Variants in KCNQ3 observed in about 807,000 individuals in gnomAD.
The protein encoded by KCNQ3 is potassium voltage-gated channel subfamily KQT member 3.
A neutral mutation model predicts 92.5 loss-of-function variants in KCNQ3; 30 were observed. The observed-to-expected ratio is 0.32, with a 90% CI of 0.24 to 0.44. KCNQ3 has a LOEUF of 0.44. Among genes scored for constraint, KCNQ3 ranks in the 20% least tolerant of loss-of-function variants. The probability of loss-of-function intolerance (pLI) is 1.00; values close to 1 mark genes in which losing one functional copy is unlikely to be tolerated. For missense variants in KCNQ3, 913 were observed against 1,140.3 expected, an observed-to-expected ratio of 0.80 and a Z score of 2.87; for synonymous variants, 450 against 468.8, an observed-to-expected ratio of 0.96 and a Z score of 0.52.
chr8:132,291,577 T>C (rs1816836176), intron 1 of KCNQ3, among the ~76,000 whole-genome samples: 1 of 152,234 alleles, frequency 6.6e-6, no homozygotes, highest in Non-Finnish European at 1.5e-5. Context: ...CAGACAATAA[T>C]ATTCCCAATG....
chr8:132,250,459 T>C (rs200078015), intron 1 of KCNQ3, among the ~76,000 whole-genome samples: 1 of 152,154 alleles, frequency 6.6e-6, no homozygotes, highest in East Asian at 1.9e-4. Context: ...TAGGAAATAG[T>C]GTGTCGTTAT....
At chr8:132,382,488 T>C (rs974321956) in intron 1 of KCNQ3, among the ~76,000 whole-genome samples, 1 of 152,228 alleles carries the variant, frequency 6.6e-6, no homozygotes, top group East Asian at 1.9e-4. Context: ...GCCACACTTG[T>C]ACAGCCTGCA....
chr8:132,452,976 T>C (rs1036104893), intron 1 of KCNQ3, among the ~76,000 whole-genome samples: 1 of 151,834 alleles, frequency 6.6e-6, no homozygotes, highest in Non-Finnish European at 1.5e-5. Context: ...TTACAGCTCA[T>C]GACAGGGTGC....
intron 2 of KCNQ3, among the ~76,000 whole-genome samples, chr8:132,184,851 T>G (rs1826913115): frequency 6.6e-6 from 1 of 152,186 alleles, no homozygotes; most frequent in Admixed American, 6.5e-5. Context: ...ATAATATTAT[T>G]CTCATCTTAC....
At chr8:132,347,955 C>A (rs150923919) in intron 1 of KCNQ3, among the ~76,000 whole-genome samples, 1 of 124,068 alleles carries the variant, frequency 8.1e-6, no homozygotes, top group Non-Finnish European at 1.6e-5. Flanking sequence ...TCAGCCTGGG[C>A]GACAGAGCGA....
chr8:132,216,439 G>A (rs911908546), intron 1 of KCNQ3, among the ~76,000 whole-genome samples: 1 of 152,174 alleles, frequency 6.6e-6, no homozygotes, highest in Non-Finnish European at 1.5e-5. Flanking sequence ...TCACAGTCAG[G>A]GGACAGCAGG....
At chr8:132,308,642 G>T (rs1355251051) in intron 1 of KCNQ3, among the ~76,000 whole-genome samples, 2 of 152,136 alleles carry the variant, frequency 1.3e-5, no homozygotes, top group Non-Finnish European at 2.9e-5. Context: ...TACCATCAAG[G>T]GGAGCCATAA....
Position 132,137,967 on chromosome 8 carries a change from G to A in KCNQ3, c.1618C>T (p.Pro540Ser). 1 of 1,613,486 alleles carries A rather than the reference G, an allele frequency of 6.2e-7. No individual in the cohort carries two copies. The highest frequency in any genetic ancestry group is 8.5e-7 in the Non-Finnish European group (1 of 1,179,872). Reference sequence around the variant, plus strand: ...TCAATCACATCCTTCACATCGTAAGGCCTCAAAGTCTCCTTGAATTTTTTT... The same window carrying A: ...TCAATCACATCCTTCACATCGTAAGACCTCAAAGTCTCCTTGAATTTTTTT... ...YKKKFKETLRPYDVKDVIEQY... is the reference protein window; with the variant it reads ...YKKKFKETLRSYDVKDVIEQY... Residue 540 changes from proline to serine, a missense_variant, in exon 12 of 15, where the codon CCT (proline) becomes TCT (serine). Coordinates refer to ENST00000388996, the MANE Select transcript of KCNQ3 (RefSeq NM_004519.4).
intron 1 of KCNQ3, among the ~76,000 whole-genome samples, chr8:132,334,925 C>T (rs1262530574): frequency 6.6e-6 from 1 of 152,150 alleles, no homozygotes; most frequent in Admixed American, 6.5e-5. Context: ...TTATTTTATT[C>T]CCCCTCTTTC....
At chr8:132,385,259 G>A (rs557962289) in intron 1 of KCNQ3, among the ~76,000 whole-genome samples, 2 of 152,384 alleles carry the variant, frequency 1.3e-5, no homozygotes, top group Admixed American at 6.5e-5. Context: ...TCTTCCCTCA[G>A]CTCAGTGCTG....
chr8:132,356,752 A>T (rs1334861279), intron 1 of KCNQ3, among the ~76,000 whole-genome samples: 6 of 152,198 alleles, frequency 3.9e-5, no homozygotes, highest in Non-Finnish European at 8.8e-5. Flanking sequence ...CACTTAGTGG[A>T]TGCTAAATAA....
chr8:132,140,804 C>G (rs995309811), intron 10 of KCNQ3: 4 of 374,212 alleles, frequency 1.1e-5, no homozygotes, highest in Non-Finnish European at 2.0e-5. Flanking sequence ...TTGCACCTGG[C>G]ACCGCCCCAT....
At chr8:132,256,249 G>C (rs1815583164) in intron 1 of KCNQ3, among the ~76,000 whole-genome samples, 1 of 152,060 alleles carries the variant, frequency 6.6e-6, no homozygotes, top group Non-Finnish European at 1.5e-5. Flanking sequence ...TTATGCTTGA[G>C]CTGGAAGAAT....
chr8:132,349,077 C>A (rs904836748), intron 1 of KCNQ3, among the ~76,000 whole-genome samples: 1 of 152,144 alleles, frequency 6.6e-6, no homozygotes, highest in Non-Finnish European at 1.5e-5. Context: ...AGAGGCTGAG[C>A]TAGATGGTCC....
intron 1 of KCNQ3, among the ~76,000 whole-genome samples, chr8:132,423,152 C>T (rs1200785793): frequency 1.3e-5 from 2 of 152,300 alleles, no homozygotes; most frequent in African/African-American, 4.8e-5. Flanking sequence ...CACCCCTCTG[C>T]CACCTGTTGA....
intron 1 of KCNQ3, among the ~76,000 whole-genome samples, chr8:132,236,134 G>A (rs1814807524): frequency 6.6e-6 from 1 of 152,230 alleles, no homozygotes; most frequent in African/African-American, 2.4e-5. Flanking sequence ...ACTAGAAAGA[G>A]TGGAGAGCTA....
At position 132,372,859 on chromosome 8, in the gene KCNQ3, G is replaced by A. The variant is rs2721918; in HGVS notation, c.386+107288C>T. ...TCTCCTTAGCATCAGCTCATGGGCC[G>A]GTTGTGAATATTAGAGGCAGAAAGG... On this transcript the variant is annotated intron_variant, in intron 1 of 14. Transcript: ENST00000388996. Among the ~76,000 whole-genome samples the A allele has an allele frequency of 1.8e-3, 269 of 151,958 alleles. 6 individuals carry two copies. The East Asian group carries it at 0.046, about 26-fold the overall frequency.
At chr8:132,190,365 T>A (rs1249708755) in intron 1 of KCNQ3, among the ~76,000 whole-genome samples, 2 of 152,230 alleles carry the variant, frequency 1.3e-5, no homozygotes, top group Non-Finnish European at 2.9e-5. Flanking sequence ...TGTGTATTTT[T>A]TTTTTTAATA....
At chr8:132,238,390 A>G (rs1205302604) in intron 1 of KCNQ3, among the ~76,000 whole-genome samples, 1 of 152,136 alleles carries the variant, frequency 6.6e-6, no homozygotes, top group Non-Finnish European at 1.5e-5. Context: ...TAGAAGGGTA[A>G]GGCATCCTCT....
Sources: allele counts gnomAD v4.1 joint callset (sites outside exome capture counted in the v4.1 genomes callset), GRCh38; gene constraint gnomAD v4.1.1; transcripts MANE v1.5; gene names NCBI Gene and HGNC (gene_info 2026-07-23, HGNC 2026-07-21).